Variants in GCNT1 observed in about 807,000 individuals in gnomAD.
GCNT1 encodes glucosaminyl (N-acetyl) transferase 1.
GCNT1 carries 16 observed loss-of-function variants against 26.2 expected under a neutral mutation model. The observed-to-expected ratio is 0.61, with a 90% CI of 0.41 to 0.93. GCNT1 has a LOEUF of 0.93. Among genes scored for constraint, GCNT1 ranks in the 40% least tolerant of loss-of-function variants. The pLI is 0.00. For synonymous variants in GCNT1, 183 were observed against 190.8 expected (o/e 0.96, Z 0.34); for missense variants, 477 against 526.7 (o/e 0.91, Z 0.92).
the GCNT1 span, among the ~76,000 whole-genome samples, chr9:76,413,653 G>GT: frequency 1.7e-3 from 197 of 118,618 alleles, 1 homozygote; most frequent in Middle Eastern, 4.4e-3. Flanking sequence ...GTTTTGTTTT[G>GT]TTTTTTTTTT....
At chr9:76,493,193 T>G (rs1824797201) in intron 2 of GCNT1, among the ~76,000 whole-genome samples, 1 of 152,186 alleles carries the variant, frequency 6.6e-6, no homozygotes, top group Non-Finnish European at 1.5e-5. Flanking sequence ...AGCAGACGTT[T>G]ACGACTCCAG....
rs747452441 is a variant in GCNT1 at position 76,503,702 on chromosome 9, A to G, written c.*34A>G. 3.9e-6 allele frequency: 6 copies of G among 1,520,690 alleles called. No individual in the cohort carries two copies. The highest frequency in any genetic ancestry group is 1.7e-5 in the Admixed American group (1 of 58,662). 94.2% of individuals were successfully genotyped at this position (1,520,690 alleles called of 1,614,324 possible). Reference sequence around the variant, plus strand: ...GGCAATTTTATGAACAAGAAGAAGGATACACAAAACGTACCCTTATCTGTT... The same window carrying G: ...GGCAATTTTATGAACAAGAAGAAGGGTACACAAAACGTACCCTTATCTGTT... On this transcript the variant is annotated 3_prime_UTR_variant, in exon 4 of 4. Transcript: ENST00000376730.
At chr9:76,427,004 C>T (rs1243507885) in intron 1 of GCNT1, among the ~76,000 whole-genome samples, 1 of 152,146 alleles carries the variant, frequency 6.6e-6, no homozygotes, top group Non-Finnish European at 1.5e-5. Context: ...ACCCCTAGTT[C>T]CTCAGAATTG....
At chr9:76,469,001 A>G (rs1824069463) in intron 2 of GCNT1, among the ~76,000 whole-genome samples, 1 of 152,214 alleles carries the variant, frequency 6.6e-6, no homozygotes, top group African/African-American at 2.4e-5. Flanking sequence ...TTTTTAATCC[A>G]TTTGTTAACT....
intron 2 of GCNT1, among the ~76,000 whole-genome samples, chr9:76,472,018 G>A (rs1473448557): frequency 1.3e-5 from 2 of 152,138 alleles, no homozygotes; most frequent in Non-Finnish European, 2.9e-5. Flanking sequence ...GGCTCAGCCT[G>A]TAATGCCAGC....
chr9:76,394,070 T>C, the GCNT1 span: 1 of 1,577,992 alleles, frequency 6.3e-7, no homozygotes, highest in Non-Finnish European at 8.6e-7. Flanking sequence ...CCCGGGGGAC[T>C]CTGGCCGCCC....
intron 1 of GCNT1, among the ~76,000 whole-genome samples, chr9:76,449,554 C>T (rs1401325898): frequency 6.6e-6 from 1 of 152,120 alleles, no homozygotes; most frequent in Non-Finnish European, 1.5e-5. Context: ...CATAACACAC[C>T]TCACTAAACA....
the GCNT1 span, among the ~76,000 whole-genome samples, chr9:76,405,895 TG>T: frequency 6.6e-6 from 1 of 152,230 alleles, no homozygotes; most frequent in Non-Finnish European, 1.5e-5. Context: ...TCAATTAATT[TG>T]GGTAAATACC....
chr9:76,394,519 C>T, the GCNT1 span: 2 of 201,062 alleles, frequency 9.9e-6, no homozygotes, highest in Non-Finnish European at 2.0e-5. Flanking sequence ...CAGCCGAACG[C>T]CTCGAGCCCG....
chr9:76,484,155 A>G (rs1587443993), intron 2 of GCNT1, among the ~76,000 whole-genome samples: 2 of 152,312 alleles, frequency 1.3e-5, no homozygotes, highest in Admixed American at 1.3e-4. Context: ...CCAAGGCAGG[A>G]GGCTTGCTTG....
chr9:76,443,578 G>C (rs541351719), intron 1 of GCNT1, among the ~76,000 whole-genome samples: 23 of 152,268 alleles, frequency 1.5e-4, no homozygotes, highest in African/African-American at 4.6e-4. Flanking sequence ...CCCTCATTCC[G>C]GTAAACCCAC....
Position 76,424,948 on chromosome 9 carries a change from G to A in GCNT1, n.38+5061G>A, listed in dbSNP as rs2131573243. Among the ~76,000 whole-genome samples, 4 of 152,082 alleles carry A rather than the reference G, an allele frequency of 2.6e-5. 1 individual carries two copies. Among genetic ancestry groups the A allele is most frequent in the African/African-American group, 7.2e-5 (3 of 41,532 alleles). On this transcript the variant is annotated intron_variant and non_coding_transcript_variant, in intron 1 of 3. Transcript: ENST00000488136. Reference sequence around the variant, plus strand: ...ATGTCAGGAGATTGAGACCATCCTGGCTAACACAGTGAAACCCCGTTTCTA... The same window carrying A: ...ATGTCAGGAGATTGAGACCATCCTGACTAACACAGTGAAACCCCGTTTCTA...
At chr9:76,428,142 T>C (rs1375591646) in intron 1 of GCNT1, among the ~76,000 whole-genome samples, 1 of 151,224 alleles carries the variant, frequency 6.6e-6, no homozygotes, top group Non-Finnish European at 1.5e-5. Context: ...GGCGGGCGCC[T>C]GTAGTCCCAG....
At chr9:76,459,669 G>T (rs1454080677) in intron 1 of GCNT1, among the ~76,000 whole-genome samples, 1 of 152,170 alleles carries the variant, frequency 6.6e-6, no homozygotes, top group Non-Finnish European at 1.5e-5. Context: ...GGTGCCAGGG[G>T]CTTAACTTCA....
the GCNT1 span, among the ~76,000 whole-genome samples, chr9:76,396,115 T>G: frequency 5.1e-4 from 77 of 152,274 alleles, no homozygotes; most frequent in African/African-American, 1.8e-3. Context: ...CATCCCTGGG[T>G]CTTACGCCAC....
chr9:76,433,227 G>T (rs1054652588), intron 1 of GCNT1, among the ~76,000 whole-genome samples: 1 of 152,194 alleles, frequency 6.6e-6, no homozygotes, highest in African/African-American at 2.4e-5. Context: ...CCTCTGCCCT[G>T]CCCCCTCTTC....
At chr9:76,450,689 A>G (rs12346177) in intron 1 of GCNT1, among the ~76,000 whole-genome samples, 2,554 of 152,256 alleles carry the variant, frequency 0.017, 71 homozygotes, top group African/African-American at 0.058. Context: ...TTTCTTCTTT[A>G]GTGAAGTATC....
the GCNT1 span, among the ~76,000 whole-genome samples, chr9:76,409,291 C>T: frequency 6.6e-6 from 1 of 151,936 alleles, no homozygotes; most frequent in South Asian, 2.1e-4. Context: ...TAGTGATGTC[C>T]CCTCTCTTAT....
At chr9:76,483,715 A>G (rs1432299663) in intron 2 of GCNT1, among the ~76,000 whole-genome samples, 3 of 151,882 alleles carry the variant, frequency 2.0e-5, no homozygotes, top group Non-Finnish European at 4.4e-5. Flanking sequence ...AAGCCACCAC[A>G]CCTGACCATT....
Sources: gnomAD v4.1 joint callset for allele counts (sites outside exome capture counted in the v4.1 genomes callset) on GRCh38, gnomAD v4.1.1 for gene constraint, MANE v1.5 for transcripts, NCBI Gene and HGNC (gene_info 2026-07-23, HGNC 2026-07-21) for gene names.